PHF24: variants seen among roughly 807,000 people sequenced by gnomAD.
PHF24 encodes Galpha inhibitory interacting protein.
A neutral mutation model predicts 42.6 loss-of-function variants in PHF24; 25 were observed. That is an observed-to-expected ratio of 0.59 (90% CI 0.43 to 0.82). The LOEUF is 0.82. Ranked by LOEUF, PHF24 falls within the 40% of genes least tolerant of loss-of-function variation. PHF24 has a pLI of 0.00. For synonymous variants in PHF24, 185 were observed against 204.8 expected (o/e 0.90, Z 0.83); for missense variants, 470 against 538.1 (o/e 0.87, Z 1.25).
At chr9:34,866,136 A>G in the PHF24 span, among the ~76,000 whole-genome samples, 4 of 152,198 alleles carry the variant, frequency 2.6e-5, no homozygotes, top group Admixed American at 2.6e-4. Context: ...ATTATTTTTA[A>G]TTCCTGAAAT....
chr9:34,904,756 G>A, the PHF24 span, among the ~76,000 whole-genome samples: 3 of 27,956 alleles, frequency 1.1e-4, no homozygotes, highest in African/African-American at 3.4e-4. Flanking sequence ...ATTAGGGAGG[G>A]TTCCTTCTTT....
the PHF24 span, chr9:34,892,877 A>G: frequency 2.9e-6 from 2 of 700,550 alleles, no homozygotes; most frequent in African/African-American, 3.5e-5. Flanking sequence ...TTTCTGATCC[A>G]TTAATTGTGA....
At chr9:34,969,782 T>C (rs1031079468) in intron 1 of PHF24, among the ~76,000 whole-genome samples, 2 of 152,238 alleles carry the variant, frequency 1.3e-5, no homozygotes, top group Admixed American at 6.5e-5. Context: ...CCTGCTATCA[T>C]CATTTCCATT....
the PHF24 span, among the ~76,000 whole-genome samples, chr9:34,854,639 G>C: frequency 6.6e-6 from 1 of 152,170 alleles, no homozygotes; most frequent in East Asian, 1.9e-4. Flanking sequence ...TAGTATGGGA[G>C]ACTGTTTGTT....
the PHF24 span, chr9:34,689,491 C>A: frequency 3.3e-6 from 1 of 307,496 alleles, no homozygotes; most frequent in Non-Finnish European, 5.9e-6. The surrounding 1 kb of genome is among the most constrained non-coding windows in gnomAD (Gnocchi z 4.1). Flanking sequence ...GTGCCAGGTG[C>A]CTTTTTTTTT....
the PHF24 span, chr9:34,729,590 A>C: frequency 1.5e-6 from 1 of 670,002 alleles, no homozygotes; most frequent in East Asian, 2.8e-5. Context: ...CATAAGGTAC[A>C]TGTAGTAGGG....
the PHF24 span, among the ~76,000 whole-genome samples, chr9:34,754,245 AC>A: frequency 5.9e-5 from 9 of 152,312 alleles, no homozygotes; most frequent in South Asian, 2.1e-4. Context: ...ATGTTTACAA[AC>A]GATCTCTCTG....
chr9:34,746,204 G>A, the PHF24 span, among the ~76,000 whole-genome samples: 1 of 152,186 alleles, frequency 6.6e-6, no homozygotes, highest in African/African-American at 2.4e-5. Flanking sequence ...TACCATAGCA[G>A]TAAGTATGAA....
chr9:34,967,940 A>G (rs543185239), intron 1 of PHF24, among the ~76,000 whole-genome samples: 8 of 152,362 alleles, frequency 5.3e-5, no homozygotes, highest in East Asian at 1.9e-4. Context: ...GCAACCAGCA[A>G]CAGGTTCTGA....
At chr9:34,746,806 C>G in the PHF24 span, among the ~76,000 whole-genome samples, 1 of 152,170 alleles carries the variant, frequency 6.6e-6, no homozygotes, top group Non-Finnish European at 1.5e-5. Flanking sequence ...TGTGTGGCAT[C>G]ATCAGTCTTG....
the PHF24 span, among the ~76,000 whole-genome samples, chr9:34,743,378 T>C: frequency 6.6e-6 from 1 of 152,232 alleles, no homozygotes; most frequent in African/African-American, 2.4e-5. Flanking sequence ...CAGAAAGGGT[T>C]AACCCCTCTA....
the PHF24 span, among the ~76,000 whole-genome samples, chr9:34,884,981 C>T: frequency 6.6e-6 from 1 of 152,132 alleles, no homozygotes; most frequent in African/African-American, 2.4e-5. Context: ...CTCCACCCAC[C>T]CTAAACCAAG....
the PHF24 span, among the ~76,000 whole-genome samples, chr9:34,751,358 T>C: frequency 6.6e-6 from 1 of 152,170 alleles, no homozygotes; most frequent in East Asian, 1.9e-4. Flanking sequence ...AGAGCAAAAC[T>C]CTGTCTCAAA....
the PHF24 span, among the ~76,000 whole-genome samples, chr9:34,800,182 G>A: frequency 6.6e-6 from 1 of 152,106 alleles, no homozygotes; most frequent in African/African-American, 2.4e-5. Flanking sequence ...CAGAGGAACT[G>A]GTCTTACAGA....
At chr9:34,924,863 ATTGT>A in the PHF24 span, among the ~76,000 whole-genome samples, 2 of 151,678 alleles carry the variant, frequency 1.3e-5, no homozygotes, top group Non-Finnish European at 2.9e-5. Flanking sequence ...CACCTCTCTT[ATTGT>A]TTATTTTTGC....
chr9:34,956,457 ACTATGTTGG>A (rs1222845773), upstream of PHF24, among the ~76,000 whole-genome samples: 2 of 152,168 alleles, frequency 1.3e-5, no homozygotes, highest in Non-Finnish European at 2.9e-5. Flanking sequence ...GTGGGGTTTC[ACTATGTTGG>A]CCAGGCTGGT....
At chr9:34,702,915 G>C in the PHF24 span, among the ~76,000 whole-genome samples, 1 of 152,200 alleles carries the variant, frequency 6.6e-6, no homozygotes, top group African/African-American at 2.4e-5. Flanking sequence ...GGATAGAAAC[G>C]TTGATGACTT....
the PHF24 span, among the ~76,000 whole-genome samples, chr9:34,798,021 T>G: frequency 2.6e-5 from 4 of 152,090 alleles, no homozygotes; most frequent in African/African-American, 9.7e-5. Context: ...AACGTATCAG[T>G]GATTGTCAAG....
At chr9:34,944,687 TA>T in the PHF24 span, among the ~76,000 whole-genome samples, 2 of 152,118 alleles carry the variant, frequency 1.3e-5, no homozygotes, top group African/African-American at 4.8e-5. Flanking sequence ...GACTGTAGCA[TA>T]ATAGACCTGC....
Sources: allele counts gnomAD v4.1 joint callset (sites outside exome capture counted in the v4.1 genomes callset), GRCh38; gene constraint gnomAD v4.1.1; non-coding constraint Gnocchi (gnomAD v3.1); transcripts MANE v1.5; gene names NCBI Gene and HGNC (gene_info 2026-07-23, HGNC 2026-07-21).